RARRES1: variants seen among roughly 807,000 people sequenced by gnomAD.
RARRES1 encodes the protein retinoic acid receptor responder protein 1.
In RARRES1, 34 loss-of-function variants were observed where a neutral mutation model predicts 30.6. The observed-to-expected ratio is 1.11, with a 90% CI of 0.84 to 1.48. The LOEUF (loss-of-function observed/expected upper bound fraction) is 1.48, where lower values mean the gene tolerates loss of function less well. Ranked by LOEUF, RARRES1 falls within the 40% of genes most tolerant of loss-of-function variation. The pLI, the probability that RARRES1 is intolerant of heterozygous loss-of-function variation, is 0.00. For synonymous variants in RARRES1, 153 were observed against 155.5 expected, an observed-to-expected ratio of 0.98 and a Z score of 0.12; for missense variants, 373 against 386.5, an observed-to-expected ratio of 0.97 and a Z score of 0.29.
chr3:158,730,564 GC>G (rs1356973601), intron 1 of RARRES1, among the ~76,000 whole-genome samples: 13 of 151,714 alleles, frequency 8.6e-5, no homozygotes, highest in Admixed American at 5.3e-4. Flanking sequence ...CTCCTGAGTA[GC>G]TGGGACCACA....
intron 2 of RARRES1, among the ~76,000 whole-genome samples, chr3:158,713,362 C>A (rs1174696939): frequency 6.6e-6 from 1 of 152,152 alleles, no homozygotes; most frequent in Non-Finnish European, 1.5e-5. Flanking sequence ...TCGTGTTTTA[C>A]AGAGTGCCTC....
At chr3:158,703,217 G>T (rs1316954876) in intron 4 of RARRES1, among the ~76,000 whole-genome samples, 1 of 152,074 alleles carries the variant, frequency 6.6e-6, no homozygotes, top group Admixed American at 6.6e-5. Flanking sequence ...TGCCCTCCTA[G>T]CACTGGGGCC....
chr3:158,720,299 C>CGT (rs1727476243), intron 1 of RARRES1, among the ~76,000 whole-genome samples: 1 of 138,802 alleles, frequency 7.2e-6, no homozygotes, highest in African/African-American at 2.9e-5. Flanking sequence ...AGAGAGAGAG[C>CGT]GCTGGGATGC....
Position 158,732,251 on chromosome 3 carries a change from C to T in RARRES1, c.165G>A (p.Pro55=). 2.2e-6 allele frequency: 3 copies of T among 1,380,726 alleles called. No homozygotes were observed. Among genetic ancestry groups the T allele is most frequent in the Non-Finnish European group, 2.8e-6 (3 of 1,076,668 alleles). 85.5% of individuals were successfully genotyped at this position (1,380,726 alleles called of 1,614,324 possible). The change falls in exon 1 of 6, where the codon CCG becomes CCA. Residue 55 remains proline (P), a synonymous_variant. Transcript: ENST00000237696. ...DPGQPQDAGV[P]RRLLQQAARA... ...GCGCCGCCTGCTGCAGGAGCCTGCG[C>T]GGGACCCCAGCATCCTGAGGCTGCC...
At chr3:158,731,825 C>T (rs755450801) in intron 1 of RARRES1, among the ~76,000 whole-genome samples, 1 of 152,256 alleles carries the variant, frequency 6.6e-6, no homozygotes, top group Non-Finnish European at 1.5e-5. Context: ...GCCTGTTCCT[C>T]AATTTCCCAA....
At chr3:158,710,660 A>C in intron 3 of RARRES1, 78 bp downstream of exon 3, 1 of 1,377,576 alleles carries the variant, frequency 7.3e-7, no homozygotes, top group Non-Finnish European at 9.9e-7. Flanking sequence ...AGGGATAAAA[A>C]CTTAAATGAT....
At chr3:158,699,441 C>T (rs1420165491) in intron 4 of RARRES1, among the ~76,000 whole-genome samples, 2 of 150,848 alleles carry the variant, frequency 1.3e-5, no homozygotes, top group Non-Finnish European at 3.0e-5. Context: ...GCAACCCCCC[C>T]CCCACCAAAA....
At chr3:158,729,217 A>C (rs915859495) in intron 1 of RARRES1, among the ~76,000 whole-genome samples, 2 of 151,800 alleles carry the variant, frequency 1.3e-5, no homozygotes, top group African/African-American at 2.4e-5. Context: ...AACCTTTCCC[A>C]AAGCCATTGG....
chr3:158,722,540 G>C (rs927235216), intron 1 of RARRES1, among the ~76,000 whole-genome samples: 2 of 152,148 alleles, frequency 1.3e-5, no homozygotes, highest in Non-Finnish European at 2.9e-5. Flanking sequence ...GGAACTTGAT[G>C]AGGGACAGAG....
intron 1 of RARRES1, among the ~76,000 whole-genome samples, chr3:158,729,939 G>A (rs563087952): frequency 3.2e-4 from 48 of 152,254 alleles, no homozygotes; most frequent in African/African-American, 1.1e-3. Flanking sequence ...TACCTTGATA[G>A]AAAGTTCTCA....
Position 158,732,230 on chromosome 3 carries a change from C to G in RARRES1, c.186G>C (p.Ala62=). The G allele has an allele frequency of 7.1e-7, 1 of 1,400,698 alleles. No individual in the cohort carries two copies. Among genetic ancestry groups the G allele is most frequent in the Non-Finnish European group, 9.2e-7 (1 of 1,084,514 alleles). 86.8% of individuals were successfully genotyped at this position (1,400,698 alleles called of 1,614,324 possible). A position where few individuals can be genotyped will look rare whatever the true frequency, so the allele number is the denominator to read the frequency against. The change falls in exon 1 of 6, where the codon GCG becomes GCC. Residue 62 remains alanine (A), a synonymous_variant. Transcript: ENST00000237696. ...AGVPRRLLQQ[A]ARAALHFFNF... Reference sequence around the variant, plus strand: ...TGAAGAAGTGAAGCGCCGCGCGCGCCGCCTGCTGCAGGAGCCTGCGCGGGA... The same window carrying G: ...TGAAGAAGTGAAGCGCCGCGCGCGCGGCCTGCTGCAGGAGCCTGCGCGGGA...
In RARRES1 at chr3:158,713,820, T is replaced by C. The variant is rs148853178; in HGVS notation, c.316A>G (p.Ser106Gly). ...ACCTCTGGGTTGTAGCGCTCTGTGC[T>C]GAAGACCACGTGAACTTTACATCCC... ...KEGCKVHVVF[S>G]TERYNPESLL... Residue 106 changes from serine to glycine, a missense_variant, in exon 2 of 6, where the codon AGC (serine) becomes GGC (glycine). Ser to Gly is a moderately conservative substitution (Grantham distance 56). Coordinates refer to ENST00000237696, the MANE Select transcript of RARRES1 (RefSeq NM_206963.2). 13 of 1,614,068 alleles carry C rather than the reference T, an allele frequency of 8.1e-6. No homozygotes were observed. In the African/African-American group the frequency reaches 1.6e-4, roughly 20 times the overall value.
chr3:158,705,162 C>T (rs1185119015), intron 3 of RARRES1, among the ~76,000 whole-genome samples: 1 of 152,184 alleles, frequency 6.6e-6, no homozygotes, highest in Admixed American at 6.5e-5. Context: ...ATTTGCTGTA[C>T]TGTATACACG....
At chr3:158,702,156 G>C (rs906125289) in intron 4 of RARRES1, among the ~76,000 whole-genome samples, 5 of 152,110 alleles carry the variant, frequency 3.3e-5, no homozygotes, top group Non-Finnish European at 7.4e-5. Context: ...TCCTACCTCA[G>C]CCTCCCGAGT....
At chr3:158,698,278 G>A (rs564138130) in intron 4 of RARRES1, 1 of 267,630 alleles carries the variant, frequency 3.7e-6, no homozygotes, top group African/African-American at 2.3e-5. Flanking sequence ...TATACCTCAA[G>A]CTGATATATT....
chr3:158,712,720 T>C (rs1727177858), intron 2 of RARRES1, among the ~76,000 whole-genome samples: 1 of 152,058 alleles, frequency 6.6e-6, no homozygotes, highest in Non-Finnish European at 1.5e-5. Context: ...CATTTCCCCC[T>C]CAAAACATCT....
chr3:158,722,040 C>T lies in RARRES1; in HGVS notation c.277-8181G>A, dbSNP rs114045404. Among the ~76,000 whole-genome samples the T allele has an allele frequency of 4.3e-3, 542 of 126,576 alleles. 4 individuals carry two copies. Among genetic ancestry groups the T allele is most frequent in the African/African-American group, 0.015 (512 of 33,120 alleles). 83.0% of individuals were successfully genotyped at this position (126,576 alleles called of 152,430 possible). A position where few individuals can be genotyped will look rare whatever the true frequency, so the allele number is the denominator to read the frequency against. ...CAGGAGGTGGAGTTTGCGGGTGAGC[C>T]GAGATGGCATAATTGCACTCCAGCC... On this transcript the variant is annotated intron_variant, in intron 1 of 5. Transcript: ENST00000237696.
intron 4 of RARRES1, among the ~76,000 whole-genome samples, chr3:158,701,374 A>G (rs1262636887): frequency 6.7e-6 from 1 of 149,414 alleles, no homozygotes; most frequent in Non-Finnish European, 1.5e-5. Flanking sequence ...TTTTTTTTGC[A>G]CACTCTTCCC....
chr3:158,699,582 C>A (rs1452764147), intron 4 of RARRES1, among the ~76,000 whole-genome samples: 1 of 151,732 alleles, frequency 6.6e-6, no homozygotes, highest in Non-Finnish European at 1.5e-5. Context: ...TCTTCTTTGC[C>A]TCGCTGAAGA....
Sources: allele counts gnomAD v4.1 joint callset (sites outside exome capture counted in the v4.1 genomes callset), GRCh38; gene constraint gnomAD v4.1.1; transcripts MANE v1.5; gene names NCBI Gene and HGNC (gene_info 2026-07-23, HGNC 2026-07-21).